The following SYNE1 variants were observed in gnomAD, a reference collection of about 807,000 sequenced individuals.
SYNE1 encodes the protein nesprin-1.
A neutral mutation model predicts 1,111.0 loss-of-function variants in SYNE1; 616 were observed. The observed-to-expected ratio is 0.55, with a 90% CI of 0.52 to 0.59. SYNE1 has a LOEUF of 0.59. Ranked by LOEUF, SYNE1 falls within the 20% of genes least tolerant of loss-of-function variation. The probability of loss-of-function intolerance (pLI) is 0.00; values close to 1 mark genes in which losing one functional copy is unlikely to be tolerated. For missense variants in SYNE1, 10,006 were observed against 10,417.0 expected (o/e 0.96, Z 1.72); for synonymous variants, 3,855 against 3,825.8 (o/e 1.01, Z -0.28).
intron 34 of SYNE1, among the ~76,000 whole-genome samples, chr6:152,431,636 A>T (rs1381469698): frequency 6.6e-6 from 1 of 152,162 alleles, no homozygotes; most frequent in Non-Finnish European, 1.5e-5. Context: ...TCAAAAATTC[A>T]GCCAAGTCTC....
chr6:152,165,662 G>A (rs372912703), intron 130 of SYNE1, among the ~76,000 whole-genome samples: 11 of 152,156 alleles, frequency 7.2e-5, no homozygotes, highest in South Asian at 6.2e-4. Flanking sequence ...AATTCCACTC[G>A]AGATAAGATT....
At chr6:152,565,153 A>G (rs1399226551) in intron 3 of SYNE1, among the ~76,000 whole-genome samples, 1 of 152,206 alleles carries the variant, frequency 6.6e-6, no homozygotes, top group Non-Finnish European at 1.5e-5. Context: ...GCCAGGAGAA[A>G]CCTGATCATT....
At position 152,321,393 on chromosome 6, in the gene SYNE1, G is replaced by A; in HGVS notation, c.16084-3C>T. Reference sequence around the variant, plus strand: ...TTTGTGGCTTCTGTTAGGAGAATCTGAAGAAAAGATCAAAATAAGAAATTT... The same window carrying A: ...TTTGTGGCTTCTGTTAGGAGAATCTAAAGAAAAGATCAAAATAAGAAATTT... On this transcript the variant is annotated splice_polypyrimidine_tract_variant and splice_region_variant and intron_variant, in intron 83 of 145. Transcript: ENST00000367255. The A allele has an allele frequency of 6.2e-7, 1 of 1,613,474 alleles. No homozygotes were observed. Among genetic ancestry groups the A allele is most frequent in the Non-Finnish European group, 8.5e-7 (1 of 1,179,844 alleles).
chr6:152,353,149 A>G, intron 69 of SYNE1, 114 bp downstream of exon 69: 1 of 1,374,902 alleles, frequency 7.3e-7, no homozygotes, highest in Non-Finnish European at 1.0e-6. Context: ...TGAGCTCAGG[A>G]TCACCAATCA....
At chr6:152,332,543 T>G (rs964783037) in intron 77 of SYNE1, among the ~76,000 whole-genome samples, 3 of 152,180 alleles carry the variant, frequency 2.0e-5, no homozygotes, top group African/African-American at 7.2e-5. Context: ...TTGTGTAATG[T>G]TAAACAGTGA....
chr6:152,409,346 GATTA>G, intron 43 of SYNE1, 120 bp from the exon 44 acceptor site: 2 of 1,098,864 alleles, frequency 1.8e-6, no homozygotes, highest in South Asian at 1.4e-5. Flanking sequence ...GTGATAGTGA[GATTA>G]ATTAACTATA....
chr6:152,451,030 T>C lies in SYNE1; in HGVS notation c.3186+17A>G, dbSNP rs2098644247. The C allele has an allele frequency of 6.2e-7, 1 of 1,614,092 alleles. No homozygotes were observed. Among genetic ancestry groups the C allele is most frequent in the Non-Finnish European group, 8.5e-7 (1 of 1,179,954 alleles). On this transcript the variant is annotated intron_variant, in intron 26 of 145. Coordinates refer to ENST00000367255, the MANE Select transcript of SYNE1 (RefSeq NM_182961.4). Reference sequence around the variant, plus strand: ...TGACTTGACACGGCTATCCACATTGTGGTGTGGGAGACGTACCCTGTGCTC... The same window carrying C: ...TGACTTGACACGGCTATCCACATTGCGGTGTGGGAGACGTACCCTGTGCTC...
chr6:152,503,512 A>G (rs1310441165), intron 9 of SYNE1, among the ~76,000 whole-genome samples: 1 of 152,240 alleles, frequency 6.6e-6, no homozygotes, highest in Non-Finnish European at 1.5e-5. Flanking sequence ...AACGTGTTGT[A>G]AACAAGTCTT....
rs374301933 is a variant in SYNE1 at position 152,330,656 on chromosome 6, C to T, written c.14029G>A (p.Ala4677Thr). ...QEAILARKEY[A>T]SLIELTTQSL... ...TGGGTTGTCAACTCAATCAAGGAAG[C>T]ATATTCCTTCCGAGCAAGAATTGCT... is the stretch of plus-strand genomic sequence containing the variant. The change falls in exon 78 of 146, where the codon GCT (alanine) becomes ACT (threonine). Residue 4677 changes from alanine (A) to threonine (T), a missense_variant. By Grantham distance (58) the Ala-to-Thr change is moderately conservative. This residue lies in a region of SYNE1 where 4,955 missense variants were observed against 5,017.2 expected (regional missense o/e 0.99). Transcript: ENST00000367255. 43 of 1,613,718 alleles carry T rather than the reference C, an allele frequency of 2.7e-5. No individual in the cohort carries two copies. In the African/African-American group the frequency reaches 4.8e-4, roughly 18 times the overall value.
At chr6:152,442,401 T>C (rs910973212) in intron 30 of SYNE1, among the ~76,000 whole-genome samples, 156 bp from the exon 31 acceptor site, 2 of 152,230 alleles carry the variant, frequency 1.3e-5, no homozygotes, top group Admixed American at 1.3e-4. Context: ...GGTTGCTATA[T>C]TAGTCAAAGA....
chr6:152,493,921 TC>T (rs2098985395), intron 11 of SYNE1, among the ~76,000 whole-genome samples: 2 of 152,190 alleles, frequency 1.3e-5, no homozygotes, highest in Non-Finnish European at 2.9e-5. Context: ...TCCCCACTCG[TC>T]TTTCCGTTCC....
At chr6:152,570,723 G>A (rs907773959) in intron 3 of SYNE1, among the ~76,000 whole-genome samples, 1 of 152,184 alleles carries the variant, frequency 6.6e-6, no homozygotes, top group Non-Finnish European at 1.5e-5. Flanking sequence ...TCAAAACAAT[G>A]GTATCCCCTT....
intron 3 of SYNE1, among the ~76,000 whole-genome samples, chr6:152,559,732 G>A (rs1168059107): frequency 6.6e-6 from 1 of 151,954 alleles, no homozygotes. Flanking sequence ...CTAGCAAAAA[G>A]AGAAAGACTA....
intron 16 of SYNE1, among the ~76,000 whole-genome samples, chr6:152,469,059 T>A (rs541276659): frequency 1.3e-5 from 2 of 152,284 alleles, no homozygotes; most frequent in South Asian, 4.2e-4. Context: ...ATTACAGGTG[T>A]GTGTGAGCTG....
chr6:152,248,148 T>C (rs1440492424), intron 105 of SYNE1, among the ~76,000 whole-genome samples: 1 of 152,158 alleles, frequency 6.6e-6, no homozygotes, highest in Non-Finnish European at 1.5e-5. Flanking sequence ...CCTGGTGCTG[T>C]CATGTAAACT....
intron 19 of SYNE1, 151 bp from the exon 20 acceptor site, chr6:152,463,041 G>C: frequency 9.9e-7 from 1 of 1,008,914 alleles, no homozygotes; most frequent in Non-Finnish European, 1.5e-6. Context: ...TTTGAAGTAA[G>C]TCCAATTAGT....
chr6:152,388,832 T>C (rs1307165823), intron 53 of SYNE1, among the ~76,000 whole-genome samples: 2 of 152,242 alleles, frequency 1.3e-5, no homozygotes, highest in East Asian at 3.8e-4. Context: ...TTCCTGCATG[T>C]AACATCTTAT....
intron 14 of SYNE1, among the ~76,000 whole-genome samples, chr6:152,477,150 T>C (rs1206015599): frequency 6.6e-6 from 1 of 152,152 alleles, no homozygotes; most frequent in Non-Finnish European, 1.5e-5. Flanking sequence ...TTTGAGAGCC[T>C]GAATATGGGG....
intron 97 of SYNE1, among the ~76,000 whole-genome samples, chr6:152,281,284 C>T (rs2025496): frequency 0.068 from 10,319 of 152,198 alleles, 401 homozygotes; most frequent in South Asian, 0.1. Flanking sequence ...GCAATTACTC[C>T]TCACAGTAAT....
Sources: gnomAD v4.1 joint callset for allele counts (sites outside exome capture counted in the v4.1 genomes callset) on GRCh38, gnomAD v4.1.1 for gene constraint, gnomAD v4.1.1 regional missense constraint, MANE v1.5 for transcripts, NCBI Gene and HGNC (gene_info 2026-07-23, HGNC 2026-07-21) for gene names.